Variants in TRIM33 observed in about 807,000 individuals in gnomAD.
The protein encoded by TRIM33 is tripartite motif containing 33, also known as E3 ubiquitin-protein ligase TRIM33.
A neutral mutation model predicts 125.4 loss-of-function variants in TRIM33; 20 were observed. That is an observed-to-expected ratio of 0.16 (90% CI 0.11 to 0.23). TRIM33 has a LOEUF of 0.23. Ranked by LOEUF, TRIM33 falls within the 10% of genes least tolerant of loss-of-function variation. TRIM33 has a pLI of 1.00. For synonymous variants in TRIM33, 564 were observed against 513.9 expected, an observed-to-expected ratio of 1.10 and a Z score of -1.32; for missense variants, 920 against 1,411.4, an observed-to-expected ratio of 0.65 and a Z score of 5.58.
intron 17 of TRIM33, among the ~76,000 whole-genome samples, chr1:114,400,498 C>T (rs532714844): frequency 1.3e-5 from 2 of 152,304 alleles, no homozygotes; most frequent in Non-Finnish European, 2.9e-5. Context: ...CCACCATGCC[C>T]GGCCAAGAAG....
intron 1 of TRIM33, among the ~76,000 whole-genome samples, chr1:114,470,088 T>C (rs1209518103): frequency 6.6e-6 from 1 of 152,202 alleles, no homozygotes; most frequent in Admixed American, 6.5e-5. Flanking sequence ...ACTAATATCT[T>C]ATAATAAACT....
chr1:114,442,836 T>C lies in TRIM33; in HGVS notation c.924-9103A>G, dbSNP rs148736335. 3.6e-3 allele frequency among the ~76,000 whole-genome samples: 554 copies of C among 152,068 alleles called. 2 individuals are homozygous for C. Among genetic ancestry groups the C allele is most frequent in the African/African-American group, 0.012 (501 of 41,498 alleles). On this transcript the variant is annotated intron_variant, in intron 4 of 19. Transcript: ENST00000358465. ...ATGATTTACCAGTATTCTTAAAAGA[T>C]TGTAAAAACAATTTTTTATATCCAG...
At chr1:114,476,288 C>T (rs961181136) in intron 1 of TRIM33, among the ~76,000 whole-genome samples, 1 of 150,476 alleles carries the variant, frequency 6.6e-6, no homozygotes, top group African/African-American at 2.4e-5. Context: ...AAGTTTAAAA[C>T]TTTACAAAGT....
chr1:114,482,167 T>C (rs1452616383), intron 1 of TRIM33, among the ~76,000 whole-genome samples: 1 of 152,170 alleles, frequency 6.6e-6, no homozygotes, highest in Non-Finnish European at 1.5e-5. Context: ...AGGAAGTAAA[T>C]CATCAATTTC....
chr1:114,440,761 A>AG (rs1331685917), intron 4 of TRIM33, among the ~76,000 whole-genome samples: 1 of 152,086 alleles, frequency 6.6e-6, no homozygotes, highest in South Asian at 2.1e-4. Context: ...ATGTAAAAAA[A>AG]GGGGGGGAAT....
At chr1:114,399,725 G>C (rs1651757892) in intron 17 of TRIM33, 116 bp from the exon 18 acceptor site, 1 of 868,968 alleles carries the variant, frequency 1.2e-6, no homozygotes, top group South Asian at 1.8e-5. Flanking sequence ...CCAGCTGCTT[G>C]CAAATTTTGA....
intron 1 of TRIM33, among the ~76,000 whole-genome samples, chr1:114,484,020 T>C (rs1165028320): frequency 6.6e-6 from 1 of 152,186 alleles, no homozygotes; most frequent in African/African-American, 2.4e-5. Flanking sequence ...TTAGAGACAG[T>C]AAATTTGAGA....
At chr1:114,436,613 C>T (rs1045578730) in intron 4 of TRIM33, among the ~76,000 whole-genome samples, 13 of 151,906 alleles carry the variant, frequency 8.6e-5, no homozygotes, top group Non-Finnish European at 1.8e-4. Context: ...TACAGACATA[C>T]ACCACCATGC....
At chr1:114,442,693 A>G (rs375570290) in intron 4 of TRIM33, among the ~76,000 whole-genome samples, 37 of 150,208 alleles carry the variant, frequency 2.5e-4, no homozygotes, top group East Asian at 1.7e-3. Context: ...GTCTCAAAAA[A>G]AAAAAAAAAA....
intron 11 of TRIM33, among the ~76,000 whole-genome samples, chr1:114,414,621 T>C (rs1652812753): frequency 6.6e-6 from 1 of 152,182 alleles, no homozygotes; most frequent in South Asian, 2.1e-4. Context: ...TCACCTTAGG[T>C]TGATGCCTTA....
chr1:114,494,537 A>C (rs1286387050), intron 1 of TRIM33, among the ~76,000 whole-genome samples: 1 of 152,206 alleles, frequency 6.6e-6, no homozygotes, highest in East Asian at 1.9e-4. Context: ...GGCAAGCCAT[A>C]AAATAGGATA....
intron 3 of TRIM33, 32 bp downstream of exon 3, chr1:114,463,380 T>G (rs1188095952): frequency 6.3e-7 from 1 of 1,594,410 alleles, no homozygotes; most frequent in South Asian, 1.1e-5. Context: ...TTAACTGTAA[T>G]CATTGTAATG....
intron 1 of TRIM33, among the ~76,000 whole-genome samples, chr1:114,480,556 A>G (rs1055902786): frequency 1.3e-5 from 2 of 150,978 alleles, no homozygotes; most frequent in Non-Finnish European, 2.9e-5. Context: ...CATAATTGCA[A>G]GAGTTAAAAC....
In TRIM33 at chr1:114,393,480, C is replaced by A. The variant is rs1651386212; in HGVS notation, c.*4168G>T. On this transcript the variant is annotated 3_prime_UTR_variant, in exon 20 of 20. Transcript: ENST00000358465. Reference sequence around the variant, plus strand: ...CATTTTTAATTTTAAAGATCACTTTCTAGAAAAGGGCTAAACTTAACTTTG... The same window carrying A: ...CATTTTTAATTTTAAAGATCACTTTATAGAAAAGGGCTAAACTTAACTTTG... 5.0e-6 allele frequency: 1 copy of A among 200,366 alleles called. No homozygotes were observed. The highest frequency in any genetic ancestry group is 2.3e-5 in the African/African-American group (1 of 43,476). The allele number at this position is 200,366 out of a possible 1,614,324, so 12.4% of individuals were successfully genotyped here.
intron 1 of TRIM33, among the ~76,000 whole-genome samples, chr1:114,479,990 C>T (rs1651212116): frequency 6.6e-6 from 1 of 152,124 alleles, no homozygotes; most frequent in African/African-American, 2.4e-5. Context: ...TACCCAACAG[C>T]TCATTGAGAA....
Position 114,425,434 on chromosome 1 carries a change from T to A in TRIM33, c.1695+15A>T. On this transcript the variant is annotated intron_variant, in intron 9 of 19. Coordinates refer to ENST00000358465, the MANE Select transcript of TRIM33 (RefSeq NM_015906.4). ...TTCATAATTTCTATCAATAATGTAG[T>A]AACACGATACTTACCTGTTGTTGTA... 3 of 1,612,248 alleles carry A rather than the reference T, an allele frequency of 1.9e-6. No homozygotes were observed. The highest frequency in any genetic ancestry group is 2.5e-6 in the Non-Finnish European group (3 of 1,178,904).
chr1:114,482,658 G>C (rs370400989), intron 1 of TRIM33, among the ~76,000 whole-genome samples: 1 of 152,190 alleles, frequency 6.6e-6, no homozygotes, highest in African/African-American at 2.4e-5. Context: ...AATGTTGGAG[G>C]AGGGCCCCGG....
At chr1:114,451,392 A>G (rs941932424) in intron 4 of TRIM33, among the ~76,000 whole-genome samples, 5 of 151,266 alleles carry the variant, frequency 3.3e-5, no homozygotes, top group East Asian at 1.9e-4. Context: ...AAAAAAAAAA[A>G]GGACTGAAAT....
intron 1 of TRIM33, among the ~76,000 whole-genome samples, chr1:114,474,761 G>C (rs141549143): frequency 6.6e-6 from 1 of 151,120 alleles, no homozygotes. Flanking sequence ...GTGTGGTGGC[G>C]CATGCCTGTA....
Sources: gnomAD v4.1 joint callset for allele counts (sites outside exome capture counted in the v4.1 genomes callset) on GRCh38, gnomAD v4.1.1 for gene constraint, MANE v1.5 for transcripts, NCBI Gene and HGNC (gene_info 2026-07-23, HGNC 2026-07-21) for gene names.